Variants in RALYL observed in about 807,000 individuals in gnomAD.
The protein encoded by RALYL is RNA-binding Raly-like protein.
In RALYL, 29 loss-of-function variants were observed where a neutral mutation model predicts 35.1. The ratio of observed to expected loss-of-function variants is 0.83; its 90% CI spans 0.61 to 1.13. RALYL has a LOEUF of 1.13. Among genes scored for constraint, RALYL ranks in the 50% most tolerant of loss-of-function variants. The pLI, the probability that RALYL is intolerant of heterozygous loss-of-function variation, is 0.00. For missense variants in RALYL, 359 were observed against 360.4 expected, an observed-to-expected ratio of 1.00 and a Z score of 0.03; for synonymous variants, 120 against 127.6, an observed-to-expected ratio of 0.94 and a Z score of 0.40.
intron 2 of RALYL, among the ~76,000 whole-genome samples, chr8:84,732,157 T>G (rs1846297210): frequency 6.6e-6 from 1 of 152,152 alleles, no homozygotes; most frequent in Non-Finnish European, 1.5e-5. Flanking sequence ...TAAGTGTGCT[T>G]TTTGTTCAGT....
chr8:84,586,864 A>G (rs1472567852), intron 2 of RALYL, among the ~76,000 whole-genome samples: 4 of 152,152 alleles, frequency 2.6e-5, no homozygotes, highest in African/African-American at 9.7e-5. Context: ...AAAGCACCAT[A>G]TGATTTTTTG....
At chr8:84,693,850 TGAA>T (rs1314582539) in intron 2 of RALYL, among the ~76,000 whole-genome samples, 6 of 151,814 alleles carry the variant, frequency 4.0e-5, no homozygotes, top group Non-Finnish European at 5.9e-5. Flanking sequence ...ATTAACATAA[TGAA>T]GGAGAAAAAC....
chr8:84,330,960 A>G (rs1846692516), intron 1 of RALYL, among the ~76,000 whole-genome samples: 1 of 152,086 alleles, frequency 6.6e-6, no homozygotes, highest in Non-Finnish European at 1.5e-5. Context: ...AGTAATGGAG[A>G]GCATTGTATG....
rs189731075 is a variant in RALYL at position 84,198,866 on chromosome 8, T to A, written c.-24+14442T>A. On this transcript the variant is annotated intron_variant, in intron 1 of 8. Coordinates refer to ENST00000521268, the MANE Select transcript of RALYL (RefSeq NM_173848.7). ...GTCTGAATAGTACTCCATTGTGAAGTAGATAGTATGTTTTCTTTATCCATT... is the reference window on the plus strand; with the variant it reads ...GTCTGAATAGTACTCCATTGTGAAGAAGATAGTATGTTTTCTTTATCCATT... Among the ~76,000 whole-genome samples, 609 of 152,320 alleles carry A rather than the reference T, an allele frequency of 4.0e-3. 4 individuals are homozygous for A. Among genetic ancestry groups the A allele is most frequent in the Non-Finnish European group, 5.1e-3 (345 of 68,020 alleles).
rs555891817 is a variant in RALYL, at chr8:84,562,328, C to A, written c.256+32751C>A. ...TTAAAACCTGCAGTATTTTTTTATT[C>A]CCTGTGATAAACTTTGGTCATACCA... On this transcript the variant is annotated intron_variant, in intron 2 of 8. Transcript: ENST00000521268. 3.3e-5 allele frequency among the ~76,000 whole-genome samples: 5 copies of A among 151,810 alleles called. No individual in the cohort carries two copies. The South Asian group carries it at 8.3e-4, about 25-fold the overall frequency.
chr8:84,835,505 A>G (rs1297038941), intron 4 of RALYL, among the ~76,000 whole-genome samples: 3 of 57,996 alleles, frequency 5.2e-5, no homozygotes, highest in Non-Finnish European at 1.2e-4. Context: ...TCTCTACTAA[A>G]AAAAAAAAAA....
intron 8 of RALYL, among the ~76,000 whole-genome samples, chr8:84,890,883 G>T (rs932961261): frequency 2.0e-5 from 3 of 152,024 alleles, no homozygotes; most frequent in Non-Finnish European, 4.4e-5. Flanking sequence ...ATGGGTCATG[G>T]AATCTAACCA....
intron 2 of RALYL, among the ~76,000 whole-genome samples, chr8:84,751,154 G>C (rs1161721014): frequency 6.6e-6 from 1 of 152,082 alleles, no homozygotes; most frequent in Non-Finnish European, 1.5e-5. Flanking sequence ...AGCCTCTGGA[G>C]ACACTGGGGC....
At chr8:84,184,921 C>A (rs1812107338) in intron 1 of RALYL, 2 of 1,573,136 alleles carry the variant, frequency 1.3e-6, no homozygotes, top group South Asian at 2.2e-5. Flanking sequence ...GCCACGCGAG[C>A]CGGAGCTGGA....
At chr8:84,319,602 C>CT (rs1844410647) in intron 1 of RALYL, among the ~76,000 whole-genome samples, 1 of 152,006 alleles carries the variant, frequency 6.6e-6, no homozygotes, top group Non-Finnish European at 1.5e-5. Context: ...TGCTTGTTGT[C>CT]TTTTTAACTT....
At chr8:84,596,006 T>A (rs1814442761) in intron 2 of RALYL, among the ~76,000 whole-genome samples, 1 of 152,012 alleles carries the variant, frequency 6.6e-6, no homozygotes, top group African/African-American at 2.4e-5. Flanking sequence ...ACACACACAT[T>A]CTTTAGGCAT....
intron 2 of RALYL, among the ~76,000 whole-genome samples, chr8:84,733,061 ATTAG>A (rs148291837): frequency 6.6e-6 from 1 of 152,176 alleles, no homozygotes; most frequent in East Asian, 1.9e-4. Context: ...AGAGTCAGAT[ATTAG>A]TTGTTTGGGA....
Position 84,446,447 on chromosome 8 carries a change from G to T in RALYL, c.-23-82852G>T, listed in dbSNP as rs543979458. 3.3e-5 allele frequency among the ~76,000 whole-genome samples: 5 copies of T among 152,088 alleles called. No individual in the cohort carries two copies. In the East Asian group the frequency reaches 9.7e-4, roughly 30 times the overall value. On this transcript the variant is annotated intron_variant, in intron 1 of 8. Transcript: ENST00000521268. ...TCTAGCTCTGGAAGGGCTTTTTAGG[G>T]TTATTTCAATAGTACGCTGTTAATT... is the stretch of plus-strand genomic sequence containing the variant.
intron 1 of RALYL, chr8:84,184,870 G>T: frequency 8.9e-7 from 1 of 1,128,854 alleles, no homozygotes; most frequent in Non-Finnish European, 1.3e-6. Context: ...GATGGGGGTA[G>T]AAGCGGCAGA....
chr8:84,603,125 C>G (rs923443455), intron 2 of RALYL, among the ~76,000 whole-genome samples: 15 of 151,872 alleles, frequency 9.9e-5, no homozygotes, highest in Non-Finnish European at 1.9e-4. Context: ...AAAAAAAGAA[C>G]AGCAATTATA....
chr8:84,304,284 A>AT (rs1279352707), intron 1 of RALYL, among the ~76,000 whole-genome samples: 1 of 151,866 alleles, frequency 6.6e-6, no homozygotes, highest in Non-Finnish European at 1.5e-5. Context: ...AGCCCAGCTA[A>AT]TTTTTTGTAT....
intron 1 of RALYL, among the ~76,000 whole-genome samples, chr8:84,287,006 T>C (rs934932193): frequency 6.6e-6 from 1 of 152,230 alleles, no homozygotes; most frequent in African/African-American, 2.4e-5. Context: ...ACCAAACTTC[T>C]TGTGACTCTG....
chr8:84,418,033 C>A (rs193113103), intron 1 of RALYL, among the ~76,000 whole-genome samples: 421 of 152,222 alleles, frequency 2.8e-3, no homozygotes, highest in African/African-American at 8.7e-3. Flanking sequence ...TGTGGAAATA[C>A]AAATTCAATC....
At chr8:84,498,662 A>G (rs1262249463) in intron 1 of RALYL, among the ~76,000 whole-genome samples, 1 of 152,182 alleles carries the variant, frequency 6.6e-6, no homozygotes, top group Non-Finnish European at 1.5e-5. Flanking sequence ...AGCTGTATAC[A>G]TTCTATCTTA....
Sources: gnomAD v4.1 joint callset for allele counts (sites outside exome capture counted in the v4.1 genomes callset) on GRCh38, gnomAD v4.1.1 for gene constraint, MANE v1.5 for transcripts, NCBI Gene and HGNC (gene_info 2026-07-23, HGNC 2026-07-21) for gene names.